Variants in CFAP299 observed in about 807,000 individuals in gnomAD.
CFAP299 encodes cilia and flagella associated protein 299, also known as cilia- and flagella-associated protein 299.
A neutral mutation model predicts 27.0 loss-of-function variants in CFAP299; 21 were observed. The observed-to-expected ratio is 0.78, with a 90% CI of 0.55 to 1.12. CFAP299 has a LOEUF of 1.12. Ranked by LOEUF, CFAP299 falls within the 50% of genes most tolerant of loss-of-function variation. CFAP299 has a pLI of 0.00. For synonymous variants in CFAP299, 104 were observed against 98.1 expected (o/e 1.06, Z -0.36); for missense variants, 310 against 276.6 (o/e 1.12, Z -0.86).
intron 3 of CFAP299, among the ~76,000 whole-genome samples, chr4:80,712,825 T>C (rs1262735512): frequency 6.6e-6 from 1 of 152,214 alleles, no homozygotes; most frequent in African/African-American, 2.4e-5. Context: ...TATTTATGTA[T>C]CTGAAGACTG....
the CFAP299 span, among the ~76,000 whole-genome samples, chr4:80,329,067 A>G: frequency 1.3e-5 from 2 of 151,930 alleles, no homozygotes. Context: ...AAACAATATA[A>G]GATTTCTTTT....
intron 3 of CFAP299, among the ~76,000 whole-genome samples, chr4:80,701,542 T>A (rs1721480436): frequency 6.6e-6 from 1 of 151,940 alleles, no homozygotes; most frequent in South Asian, 2.1e-4. Context: ...TACTCAGATG[T>A]AAGTCCATTT....
At chr4:80,411,187 G>A (rs1345094032) in intron 2 of CFAP299, among the ~76,000 whole-genome samples, 1 of 152,162 alleles carries the variant, frequency 6.6e-6, no homozygotes, top group African/African-American at 2.4e-5. Flanking sequence ...ATAAGCCATG[G>A]AGTTTGAGCA....
intron 3 of CFAP299, among the ~76,000 whole-genome samples, chr4:80,804,760 G>A (rs1232572793): frequency 6.6e-6 from 1 of 151,966 alleles, no homozygotes; most frequent in Non-Finnish European, 1.5e-5. Context: ...ATCTATTTGT[G>A]TCTTCGGATC....
At chr4:80,411,559 A>G (rs1726721683) in intron 2 of CFAP299, among the ~76,000 whole-genome samples, 1 of 152,078 alleles carries the variant, frequency 6.6e-6, no homozygotes, top group Admixed American at 6.6e-5. Context: ...TATTTATTTA[A>G]TAAACAACCT....
intron 3 of CFAP299, among the ~76,000 whole-genome samples, chr4:80,755,648 G>T (rs1017527295): frequency 6.6e-6 from 1 of 152,084 alleles, no homozygotes; most frequent in Non-Finnish European, 1.5e-5. Context: ...CTTCGTCACT[G>T]CTTAAGAAAC....
intron 2 of CFAP299, among the ~76,000 whole-genome samples, chr4:80,571,682 A>T (rs1449173733): frequency 6.6e-6 from 1 of 151,848 alleles, no homozygotes; most frequent in Non-Finnish European, 1.5e-5. Flanking sequence ...CTAGGTTTAG[A>T]TGACATCATA....
At chr4:80,458,220 A>G (rs927186895) in intron 2 of CFAP299, among the ~76,000 whole-genome samples, 3 of 152,250 alleles carry the variant, frequency 2.0e-5, no homozygotes, top group Non-Finnish European at 1.5e-5. Flanking sequence ...ATGAATATAC[A>G]TTTAAAACAA....
At chr4:80,766,228 A>G (rs1356178969) in intron 3 of CFAP299, among the ~76,000 whole-genome samples, 1 of 152,168 alleles carries the variant, frequency 6.6e-6, no homozygotes, top group Admixed American at 6.5e-5. Context: ...GCAGCAGTAT[A>G]AAATGTAAAC....
intron 2 of CFAP299, among the ~76,000 whole-genome samples, chr4:80,454,912 A>G (rs1164358052): frequency 6.6e-6 from 1 of 152,076 alleles, no homozygotes; most frequent in Admixed American, 6.6e-5. Flanking sequence ...TGGAGATGAA[A>G]TCATAGGGAG....
intron 3 of CFAP299, among the ~76,000 whole-genome samples, chr4:80,729,528 G>A (rs943877657): frequency 7.3e-5 from 11 of 151,300 alleles, no homozygotes; most frequent in African/African-American, 1.2e-4. Context: ...GTATGCTGCC[G>A]TGTTATAAGC....
chr4:80,576,082 G>GC (rs1248615535), intron 2 of CFAP299, among the ~76,000 whole-genome samples: 3 of 151,712 alleles, frequency 2.0e-5, no homozygotes, highest in African/African-American at 7.3e-5. Context: ...TATACCTAAT[G>GC]TAAATGACGA....
intron 3 of CFAP299, among the ~76,000 whole-genome samples, chr4:80,844,082 G>C (rs1179367908): frequency 1.3e-5 from 2 of 152,054 alleles, no homozygotes; most frequent in Non-Finnish European, 2.9e-5. Context: ...AGGACGTGAA[G>C]TCATCGTTTT....
At chr4:80,655,363 CAA>C (rs1189091883) in intron 3 of CFAP299, among the ~76,000 whole-genome samples, 2 of 152,130 alleles carry the variant, frequency 1.3e-5, no homozygotes, top group Admixed American at 1.3e-4. Context: ...CTGCCGGATA[CAA>C]TATGATGAAA....
chr4:80,959,524 G>T (rs1315055607), intron 5 of CFAP299, among the ~76,000 whole-genome samples: 4 of 151,844 alleles, frequency 2.6e-5, no homozygotes. Context: ...AAAAAATTTA[G>T]GAACTTCTCA....
At chr4:80,630,595 T>C (rs1480125687) in intron 3 of CFAP299, among the ~76,000 whole-genome samples, 2 of 152,096 alleles carry the variant, frequency 1.3e-5, no homozygotes, top group Admixed American at 1.3e-4. Context: ...ATGCTAATTT[T>C]CTGTGAATAT....
At chr4:80,700,560 A>C (rs1721411066) in intron 3 of CFAP299, among the ~76,000 whole-genome samples, 1 of 152,052 alleles carries the variant, frequency 6.6e-6, no homozygotes, top group African/African-American at 2.4e-5. Context: ...ACAGCAAGCT[A>C]TAACTGGAGC....
chr4:80,401,843 G>A (rs778616726), intron 2 of CFAP299, among the ~76,000 whole-genome samples: 9 of 152,262 alleles, frequency 5.9e-5, no homozygotes, highest in East Asian at 1.9e-4. Context: ...GAAAGCAGTC[G>A]GGAAGGAGGT....
Position 80,588,198 on chromosome 4 carries a change from G to A in CFAP299, c.333+5015G>A, listed in dbSNP as rs111602735. On this transcript the variant is annotated intron_variant, in intron 3 of 5. Coordinates refer to ENST00000358105, the MANE Select transcript of CFAP299 (RefSeq NM_152770.3). ...TTAATCATCAGCTGTCACAGAGGTG[G>A]GAGATGGAGAAGTGGCTCCTGTCAG... Among the ~76,000 whole-genome samples, 187 of 151,122 alleles carry A rather than the reference G, an allele frequency of 1.2e-3. 12 individuals carry two copies. Among genetic ancestry groups the A allele is most frequent in the African/African-American group, 4.3e-3 (173 of 40,462 alleles).
Sources: gnomAD v4.1 joint callset for allele counts (sites outside exome capture counted in the v4.1 genomes callset) on GRCh38, gnomAD v4.1.1 for gene constraint, MANE v1.5 for transcripts, NCBI Gene and HGNC (gene_info 2026-07-23, HGNC 2026-07-21) for gene names.